The following LGALS3 variants were observed in gnomAD, a reference collection of about 807,000 sequenced individuals.
LGALS3 encodes the protein galectin-3.
A neutral mutation model predicts 20.7 loss-of-function variants in LGALS3; 18 were observed. The ratio of observed to expected loss-of-function variants is 0.87; its 90% CI spans 0.60 to 1.29. LGALS3 has a LOEUF of 1.29. Ranked by LOEUF, LGALS3 falls within the 50% of genes most tolerant of loss-of-function variation. The pLI is 0.00. For synonymous variants in LGALS3, 112 were observed against 119.6 expected (o/e 0.94, Z 0.42); for missense variants, 315 against 314.7 (o/e 1.00, Z -0.01).
chr14:55,134,950 T>C (rs999861515), intron 1 of LGALS3, among the ~76,000 whole-genome samples: 2 of 149,588 alleles, frequency 1.3e-5, no homozygotes, highest in Admixed American at 1.3e-4. Flanking sequence ...AACCCAGGAG[T>C]TTGAGACCAG....
Position 55,138,373 on chromosome 14 carries a change from G to T in LGALS3, c.342+5G>T. 1 of 1,612,622 alleles carries T rather than the reference G, an allele frequency of 6.2e-7. No individual in the cohort carries two copies. The highest frequency in any genetic ancestry group is 8.5e-7 in the Non-Finnish European group (1 of 1,179,962). On this transcript the variant is annotated splice_donor_5th_base_variant and intron_variant, in intron 3 of 5. Transcript: ENST00000254301. ...GGCGCCCCTGCTGGGCCACTGGTGA[G>T]ATGGCATTCCTTCTTTCATGTACTT... is the stretch of plus-strand genomic sequence containing the variant.
At chr14:55,139,457 C>G (rs779864858) in intron 3 of LGALS3, among the ~76,000 whole-genome samples, 1 of 152,090 alleles carries the variant, frequency 6.6e-6, no homozygotes, top group Non-Finnish European at 1.5e-5. Context: ...CACACCAGGA[C>G]TAGAAAGAAA....
intron 1 of LGALS3, among the ~76,000 whole-genome samples, chr14:55,130,754 G>GGT (rs1491418278): frequency 8.8e-4 from 67 of 76,150 alleles, no homozygotes; most frequent in African/African-American, 3.5e-3. Context: ...TGGTGGTGGT[G>GGT]GGGGGGGGGG....
chr14:55,139,848 G>A (rs1341829905), intron 3 of LGALS3, among the ~76,000 whole-genome samples: 2 of 152,290 alleles, frequency 1.3e-5, no homozygotes, highest in East Asian at 3.9e-4. Flanking sequence ...CTCTGCTGGA[G>A]CCATGTGAGT....
At chr14:55,132,557 T>C (rs1594649144) in intron 1 of LGALS3, among the ~76,000 whole-genome samples, 1 of 138,932 alleles carries the variant, frequency 7.2e-6, no homozygotes, top group African/African-American at 3.1e-5. Flanking sequence ...CAAAAGAGCA[T>C]CAGTTATAAT....
rs751670990 is a variant in LGALS3, at chr14:55,138,067, C to G, written c.41C>G (p.Ser14Cys). 6 of 1,505,870 alleles carry G rather than the reference C, an allele frequency of 4.0e-6. No homozygotes were observed. Among genetic ancestry groups the G allele is most frequent in the Non-Finnish European group, 5.3e-6 (6 of 1,128,430 alleles). The allele number at this position is 1,505,870 out of a possible 1,614,324, so 93.3% of individuals were successfully genotyped here. ...NFSLHDALSGSGNPNPQGWPG... is the reference protein window; with the variant it reads ...NFSLHDALSGCGNPNPQGWPG... ...CAGCTCCATGATGCGTTATCTGGGT[C>G]TGGAAACCCAAACCCTCAAGGATGG... Residue 14 changes from serine (S) to cysteine (C), a missense_variant, in exon 3 of 6, where the codon TCT becomes TGT. By Grantham distance (112) the Ser-to-Cys change is moderately radical (BLOSUM62 -1). Coordinates refer to ENST00000254301, the MANE Select transcript of LGALS3 (RefSeq NM_002306.4).
At chr14:55,132,656 C>T (rs1014437700) in intron 1 of LGALS3, among the ~76,000 whole-genome samples, 16 of 152,300 alleles carry the variant, frequency 1.1e-4, no homozygotes, top group African/African-American at 3.9e-4. Context: ...CAACCTCTGC[C>T]TCCCGGGTTC....
At position 55,142,697 on chromosome 14, in the gene LGALS3, G is replaced by A. The variant is rs779907272; in HGVS notation, c.545G>A (p.Gly182Glu). The A allele has an allele frequency of 2.5e-6, 4 of 1,613,920 alleles. No homozygotes were observed. The South Asian group carries it at 4.4e-5, about 18-fold the overall frequency. The stretch of plus-strand genomic sequence containing the variant: ...AATACAAAGCTGGATAATAACTGGG[G>A]AAGGGAAGAAAGACAGTCGGTTTTC... ...VCNTKLDNNW[G>E]REERQSVFPF... Residue 182 changes from glycine (G) to glutamate (E), a missense_variant, in exon 5 of 6, where the codon GGA (glycine) becomes GAA (glutamate). Transcript: ENST00000254301.
At chr14:55,140,385 A>G (rs1036155131) in intron 4 of LGALS3, 22 bp downstream of exon 4, 8 of 1,489,540 alleles carry the variant, frequency 5.4e-6, no homozygotes, top group Non-Finnish European at 7.5e-6. Flanking sequence ...AAAATTAACA[A>G]GTCTACTCTA....
At chr14:55,131,258 G>T (rs1252438486) in intron 1 of LGALS3, among the ~76,000 whole-genome samples, 2 of 152,218 alleles carry the variant, frequency 1.3e-5, no homozygotes, top group Admixed American at 1.3e-4. Flanking sequence ...CTGTGTCCAA[G>T]TAGAATAGGT....
At chr14:55,137,234 T>C (rs1881425929) in intron 1 of LGALS3, 136 bp from the exon 2 acceptor site, 1 of 858,148 alleles carries the variant, frequency 1.2e-6, no homozygotes, top group Non-Finnish European at 2.0e-6. Context: ...GAGATGTTTT[T>C]GTGGCGCCAC....
At chr14:55,144,791 C>T (rs1321256780) in intron 5 of LGALS3, among the ~76,000 whole-genome samples, 1 of 151,972 alleles carries the variant, frequency 6.6e-6, no homozygotes, top group Non-Finnish European at 1.5e-5. Context: ...GTCTCGATCT[C>T]CTGACCTTGT....
At chr14:55,144,776 G>A (rs1359756126) in intron 5 of LGALS3, among the ~76,000 whole-genome samples, 1 of 151,872 alleles carries the variant, frequency 6.6e-6, no homozygotes, top group Non-Finnish European at 1.5e-5. Flanking sequence ...GTGTTAGCCA[G>A]GATGGTCTCG....
At chr14:55,135,853 C>T (rs1485038610) in intron 1 of LGALS3, among the ~76,000 whole-genome samples, 4 of 152,192 alleles carry the variant, frequency 2.6e-5, no homozygotes, top group Non-Finnish European at 5.9e-5. Context: ...GCATGAGCCA[C>T]CACACCCAGC....
chr14:55,134,513 C>T (rs111935382), intron 1 of LGALS3, among the ~76,000 whole-genome samples: 8 of 152,252 alleles, frequency 5.3e-5, no homozygotes, highest in African/African-American at 1.2e-4. Flanking sequence ...AAGATTGTTT[C>T]GTATGGCATC....
intron 1 of LGALS3, among the ~76,000 whole-genome samples, chr14:55,136,324 G>A (rs77482253): frequency 2.0e-5 from 3 of 149,790 alleles, no homozygotes; most frequent in African/African-American, 7.4e-5. Flanking sequence ...AAAAAAAAAA[G>A]CACATACAAA....
rs896122377 is a variant in LGALS3 at position 55,138,938 on chromosome 14, C to G, written c.342+570C>G. ...AACTCCATGGGGGATCCAGATACAT[C>G]TCAGCCACAGGATCCTTCCTTTCCA... On this transcript the variant is annotated intron_variant, in intron 3 of 5. Coordinates refer to ENST00000254301, the MANE Select transcript of LGALS3 (RefSeq NM_002306.4). Among the ~76,000 whole-genome samples the G allele has an allele frequency of 2.6e-5, 4 of 152,296 alleles. No homozygotes were observed. In the South Asian group the frequency reaches 6.2e-4, roughly 24 times the overall value.
intron 3 of LGALS3, among the ~76,000 whole-genome samples, chr14:55,138,787 A>C (rs1245620978): frequency 3.3e-5 from 5 of 152,138 alleles, no homozygotes; most frequent in Admixed American, 3.3e-4. Flanking sequence ...TCATTGAGCA[A>C]ACATGTAGAG....
chr14:55,137,342 A>G, intron 1 of LGALS3, 28 bp from the exon 2 acceptor site: 1 of 1,608,352 alleles, frequency 6.2e-7, no homozygotes, highest in Non-Finnish European at 8.5e-7. Flanking sequence ...AGCTTTTAGG[A>G]TAAAATGATA....
Sources: gnomAD v4.1 joint callset for allele counts (sites outside exome capture counted in the v4.1 genomes callset) on GRCh38, gnomAD v4.1.1 for gene constraint, MANE v1.5 for transcripts, NCBI Gene and HGNC (gene_info 2026-07-23, HGNC 2026-07-21) for gene names.